Variants in PREX1 observed in about 807,000 individuals in gnomAD.
The protein encoded by PREX1 is phosphatidylinositol-3,4,5-trisphosphate dependent Rac exchange factor 1.
A neutral mutation model predicts 198.3 loss-of-function variants in PREX1; 41 were observed. That is an observed-to-expected ratio of 0.21 (90% CI 0.16 to 0.27). The LOEUF is 0.27. PREX1 is among the 10% of genes least tolerant of loss of function. The pLI, the probability that PREX1 is intolerant of heterozygous loss-of-function variation, is 1.00. For synonymous variants in PREX1, 843 were observed against 887.2 expected, an observed-to-expected ratio of 0.95 and a Z score of 0.89; for missense variants, 1,620 against 2,200.7, an observed-to-expected ratio of 0.74 and a Z score of 5.28.
chr20:48,665,549 T>G (rs1795846953), intron 15 of PREX1, among the ~76,000 whole-genome samples: 1 of 152,252 alleles, frequency 6.6e-6, no homozygotes, highest in African/African-American at 2.4e-5. Context: ...GATTTCTACT[T>G]GCCATGTAAC....
intron 13 of PREX1, among the ~76,000 whole-genome samples, chr20:48,677,851 TGG>T (rs2089719986): frequency 6.6e-6 from 1 of 150,964 alleles, no homozygotes; most frequent in Admixed American, 6.6e-5. Context: ...CCAGGCATGG[TGG>T]TGCATGCCTG....
At chr20:48,664,068 C>T (rs892298279) in intron 15 of PREX1, among the ~76,000 whole-genome samples, 1 of 152,148 alleles carries the variant, frequency 6.6e-6, no homozygotes, top group South Asian at 2.1e-4. Flanking sequence ...AGGGAGAGAA[C>T]AGGCCCTTAA....
intron 35 of PREX1, 149 bp downstream of exon 35, chr20:48,632,128 G>C (rs1033845280): frequency 1.1e-5 from 8 of 744,862 alleles, no homozygotes; most frequent in Non-Finnish European, 1.8e-5. Flanking sequence ...TCTCACGCAG[G>C]CAAGAGTGCT....
chr20:48,625,630 A>C lies in PREX1; in HGVS notation c.*255T>G. 1 of 472,956 alleles carries C rather than the reference A, an allele frequency of 2.1e-6. No individual in the cohort carries two copies. The highest frequency in any genetic ancestry group is 3.7e-6 in the Non-Finnish European group (1 of 269,754). The allele number at this position is 472,956 out of a possible 1,614,324, so 29.3% of individuals were successfully genotyped here. A position where few individuals can be genotyped will look rare whatever the true frequency, so the allele number is the denominator to read the frequency against. ...GGCACCAGCTGCTCCCATCAGCTCTATGGGTCTCCAGCACCCCTCCAGCTT... is the reference window on the plus strand; with the variant it reads ...GGCACCAGCTGCTCCCATCAGCTCTCTGGGTCTCCAGCACCCCTCCAGCTT... On this transcript the variant is annotated 3_prime_UTR_variant, in exon 40 of 40. Coordinates refer to ENST00000371941, the MANE Select transcript of PREX1 (RefSeq NM_020820.4).
At chr20:48,644,908 C>T (rs545086275) in intron 26 of PREX1, among the ~76,000 whole-genome samples, 4 of 152,214 alleles carry the variant, frequency 2.6e-5, no homozygotes, top group South Asian at 2.1e-4. Flanking sequence ...GGATTCCCTA[C>T]GGCCCAGGAA....
chr20:48,636,762 C>T, intron 31 of PREX1, 79 bp from the exon 32 acceptor site: 1 of 1,283,658 alleles, frequency 7.8e-7, no homozygotes, highest in Non-Finnish European at 1.1e-6. Context: ...AACCCTGGGT[C>T]CAGGACCCCT....
At chr20:48,766,532 C>A (rs1232653637) in intron 1 of PREX1, among the ~76,000 whole-genome samples, 1 of 152,176 alleles carries the variant, frequency 6.6e-6, no homozygotes, top group Non-Finnish European at 1.5e-5. Flanking sequence ...TTGCTCCTGC[C>A]CCCAGGCCTC....
intron 10 of PREX1, 102 bp from the exon 11 acceptor site, chr20:48,681,437 G>A: frequency 8.9e-7 from 1 of 1,123,248 alleles, no homozygotes; most frequent in Non-Finnish European, 1.4e-6. Context: ...GGGAATGACA[G>A]CTAGAACTTC....
At position 48,827,661 on chromosome 20, in the gene PREX1, G is replaced by T. The variant is rs774112025; in HGVS notation, c.200C>A (p.Thr67Asn). The T allele has an allele frequency of 7.4e-7, 1 of 1,343,372 alleles. No homozygotes were observed. The highest frequency in any genetic ancestry group is 9.7e-7 in the Non-Finnish European group (1 of 1,034,194). The allele number at this position is 1,343,372 out of a possible 1,614,324, so 83.2% of individuals were successfully genotyped here. ...ACTCACCGACTGCAAGAAGCGCAAG[G>T]TGCCCACGTAGTCCCTCTCGGTGCC... ...ILGTERDYVG[T>N]LRFLQSAFLH... The change falls in exon 1 of 40, where the codon ACC (threonine) becomes AAC (asparagine). Residue 67 changes from threonine to asparagine, a missense_variant. Transcript: ENST00000371941. This position sits in a 1 kb window ranked among gnomAD's most constrained non-coding sequence, Gnocchi z 4.1.
At chr20:48,774,311 G>T (rs959119274) in intron 1 of PREX1, among the ~76,000 whole-genome samples, 3 of 152,252 alleles carry the variant, frequency 2.0e-5, no homozygotes, top group Admixed American at 1.3e-4. Flanking sequence ...CACCAGAGCG[G>T]AGGCCTGAAG....
intron 1 of PREX1, among the ~76,000 whole-genome samples, chr20:48,792,293 A>G (rs1186410288): frequency 1.3e-5 from 2 of 152,118 alleles, no homozygotes; most frequent in Admixed American, 1.3e-4. Context: ...CAACATGGAG[A>G]AACCCGGTCT....
chr20:48,870,605 G>C, the PREX1 span, among the ~76,000 whole-genome samples: 1 of 152,170 alleles, frequency 6.6e-6, no homozygotes, highest in Non-Finnish European at 1.5e-5. Context: ...CATCCACCAA[G>C]TGCCCTGCTC....
In PREX1 at chr20:48,659,990, T is replaced by C; in HGVS notation, c.1810A>G (p.Thr604Ala). Residue 604 changes from threonine to alanine, a missense_variant, in exon 16 of 40, where the codon ACC becomes GCC. Thr to Ala is a moderately conservative substitution (Grantham distance 58, BLOSUM62 0). This residue lies in a region of PREX1 where 488 missense variants were observed against 802.5 expected (regional missense o/e 0.61). Transcript: ENST00000371941. ...CGAAGCTGTTTGTTCTTGCTGCTGG[T>C]CCCCTCCATCTCCTCGTCAGCATGA... Reference protein sequence around the residue: ...RFHADEEMEGTSSKNKQLRND... With the variant: ...RFHADEEMEGASSKNKQLRND... 6.2e-7 allele frequency: 1 copy of C among 1,614,198 alleles called. No individual in the cohort carries two copies. Among genetic ancestry groups the C allele is most frequent in the Non-Finnish European group, 8.5e-7 (1 of 1,180,040 alleles).
the PREX1 span, among the ~76,000 whole-genome samples, chr20:48,858,572 C>T: frequency 6.6e-6 from 1 of 152,220 alleles, no homozygotes; most frequent in South Asian, 2.1e-4. Flanking sequence ...ACCTGGGGAG[C>T]TTATCAGCTC....
chr20:48,849,859 G>A, the PREX1 span, among the ~76,000 whole-genome samples: 1 of 152,118 alleles, frequency 6.6e-6, no homozygotes, highest in Non-Finnish European at 1.5e-5. Context: ...TTATAATTTG[G>A]CAAGTGAGGG....
the PREX1 span, among the ~76,000 whole-genome samples, chr20:48,873,118 G>C: frequency 6.6e-6 from 1 of 152,130 alleles, no homozygotes; most frequent in African/African-American, 2.4e-5. Flanking sequence ...ACTCAGCTCT[G>C]ATCTACCCTG....
At chr20:48,705,640 C>A (rs117428781) in intron 6 of PREX1, among the ~76,000 whole-genome samples, 2 of 152,202 alleles carry the variant, frequency 1.3e-5, no homozygotes, top group African/African-American at 4.8e-5. Context: ...TAACAGATAG[C>A]ATGGAAGCAA....
chr20:48,786,509 C>T (rs377001467), intron 1 of PREX1, among the ~76,000 whole-genome samples: 1 of 151,922 alleles, frequency 6.6e-6, no homozygotes, highest in South Asian at 2.1e-4. Flanking sequence ...TTTGGGAGGC[C>T]GAGGCAGGTG....
the PREX1 span, among the ~76,000 whole-genome samples, chr20:48,870,424 T>C: frequency 6.6e-6 from 1 of 152,264 alleles, no homozygotes. Flanking sequence ...GTCTGATTTC[T>C]ATGGCTGCAC....
Sources: gnomAD v4.1 joint callset for allele counts (sites outside exome capture counted in the v4.1 genomes callset) on GRCh38, gnomAD v4.1.1 for gene constraint, gnomAD v4.1.1 regional missense constraint, Gnocchi (gnomAD v3.1) non-coding constraint, MANE v1.5 for transcripts, NCBI Gene and HGNC (gene_info 2026-07-23, HGNC 2026-07-21) for gene names.